FITM1: variants seen among roughly 807,000 people sequenced by gnomAD.
The protein encoded by FITM1 is fat storage-inducing transmembrane protein 1.
In FITM1, 11 loss-of-function variants were observed where a neutral mutation model predicts 22.2. The observed-to-expected ratio is 0.50, with a 90% confidence interval of 0.31 to 0.82. The LOEUF is 0.82. Ranked by LOEUF, FITM1 falls within the 40% of genes least tolerant of loss-of-function variation. FITM1 has a pLI of 0.04. For missense variants in FITM1, 394 were observed against 386.4 expected, an observed-to-expected ratio of 1.02 and a Z score of -0.17; for synonymous variants, 164 against 174.0, an observed-to-expected ratio of 0.94 and a Z score of 0.45.
chr14:24,131,881 G>A (rs776418351), intron 1 of FITM1, 52 bp downstream of exon 1: 5 of 1,521,152 alleles, frequency 3.3e-6, no homozygotes, highest in African/African-American at 2.8e-5. Context: ...TGGGATCCTA[G>A]CTCCCTTCTC....
rs149412179 is a variant in FITM1 at position 24,130,786 on chromosome 14, A to G, written c.-778A>G. Among the ~76,000 whole-genome samples the G allele has an allele frequency of 8.5e-5, 13 of 152,296 alleles. No individual in the cohort carries two copies. The highest frequency in any genetic ancestry group is 2.9e-4 in the African/African-American group (12 of 41,558). ...GGTTTCAATTGACTCCTGTCTGGCAATTGCCCTTTTAGGGTCTCCTCTACC... is the reference window on the plus strand; with the variant it reads ...GGTTTCAATTGACTCCTGTCTGGCAGTTGCCCTTTTAGGGTCTCCTCTACC... On this transcript the variant is annotated 5_prime_UTR_variant, in exon 1 of 2. Transcript: ENST00000267426.
In FITM1 at chr14:24,132,658, T is replaced by A. The variant is rs1180505474; in HGVS notation, c.714T>A (p.Cys238Ter). 1.9e-6 allele frequency: 3 copies of A among 1,613,874 alleles called. No individual in the cohort carries two copies. Among genetic ancestry groups the A allele is most frequent in the African/African-American group, 2.7e-5 (2 of 75,056 alleles). Residue 238 changes from cysteine to a stop codon, truncating the protein, a stop_gained, in exon 2 of 2, where the codon TGT becomes TGA. Transcript: ENST00000267426. LOFTEE classifies it high-confidence loss of function. Reference protein sequence around the residue: ...LLGLWNFLLLCTVIYFHQYTH... With the variant: ...LLGLWNFLLL ...GCCTCTGGAACTTCTTGCTGCTCTG[T>A]ACCGTCATCTATTTCCACCAGTACA...
chr14:24,131,398 T>C lies in FITM1; in HGVS notation c.-166T>C, dbSNP rs1323091986. The C allele has an allele frequency of 4.1e-6, 3 of 734,742 alleles. No individual in the cohort carries two copies. In the African/African-American group the frequency reaches 5.2e-5, roughly 13 times the overall value. The allele number at this position is 734,742 out of a possible 1,614,324, so 45.5% of individuals were successfully genotyped here. On this transcript the variant is annotated 5_prime_UTR_variant, in exon 1 of 2. Transcript: ENST00000267426. ...CTGCTGACGTGGCAGACCTCCACCC[T>C]GGCCCCTTACTGCCCCCCGCCCCTC...
Position 24,132,433 on chromosome 14 carries a change from C to T in FITM1, c.489C>T (p.His163=), listed in dbSNP as rs373331243. Reference sequence around the variant, plus strand: ...CACTGCCCCAGGGTCTGCTGCTCCACGAGCTGCCTGACCGCCGCAGCTGCC... The same window carrying T: ...CACTGCCCCAGGGTCTGCTGCTCCATGAGCTGCCTGACCGCCGCAGCTGCC... ...FEPLPQGLLL[H]ELPDRRSCLA... Residue 163 remains histidine (H), a synonymous_variant, in exon 2 of 2, where the codon CAC becomes CAT. Coordinates refer to ENST00000267426, the MANE Select transcript of FITM1 (RefSeq NM_203402.3). 58 of 1,607,620 alleles carry T rather than the reference C, an allele frequency of 3.6e-5. No homozygotes were observed. The highest frequency in any genetic ancestry group is 1.3e-4 in the South Asian group (12 of 91,080).
In FITM1 at chr14:24,131,460, G is replaced by T. The variant is rs768070474; in HGVS notation, c.-104G>T. The stretch of plus-strand genomic sequence containing the variant: ...CCAGCTGCCAACAGGGCTCTGCCTT[G>T]TGTCTGCCACACCTGTCACTGCCTA... On this transcript the variant is annotated 5_prime_UTR_variant, in exon 1 of 2. Coordinates refer to ENST00000267426, the MANE Select transcript of FITM1 (RefSeq NM_203402.3). 8.6e-7 allele frequency: 1 copy of T among 1,156,528 alleles called. No individual in the cohort carries two copies. The allele number at this position is 1,156,528 out of a possible 1,614,324, so 71.6% of individuals were successfully genotyped here. A position where few individuals can be genotyped will look rare whatever the true frequency, so the allele number is the denominator to read the frequency against.
Position 24,132,799 on chromosome 14 carries a change from C to T in FITM1, c.855C>T (p.Pro285=), listed in dbSNP as rs1230420753. Residue 285 remains proline (P), a synonymous_variant, in exon 2 of 2, where the codon CCC becomes CCT. Transcript: ENST00000267426. ...CAGGCCATGGGCTCTTCCCCCGTCC[C>T]CACTCCAGCCGCAAGCATAACTGAA... The part of the protein sequence containing the change: ...GSPGHGLFPR[P]HSSRKHN 6.2e-7 allele frequency: 1 copy of T among 1,611,212 alleles called. No homozygotes were observed. Among genetic ancestry groups the T allele is most frequent in the East Asian group, 2.2e-5 (1 of 44,872 alleles).
rs2037823628 is a variant in FITM1 at position 24,131,706 on chromosome 14, G to C, written c.143G>C (p.Gly48Ala). Residue 48 changes from glycine to alanine, a missense_variant, in exon 1 of 2, where the codon GGC (glycine) becomes GCC (alanine). Physicochemically the swap from Gly to Ala is moderately conservative, Grantham distance 60 (BLOSUM62 0). Transcript: ENST00000267426. Reference protein sequence around the residue: ...FGSEQAARLLGSPCLRRLYHA... With the variant: ...FGSEQAARLLASPCLRRLYHA... ...AGCGAACAGGCCGCCCGCCTTCTGG[G>C]CAGCCCCTGCTTACGGCGCCTCTAC... 4.3e-6 allele frequency: 7 copies of C among 1,614,178 alleles called. No homozygotes were observed. The highest frequency in any genetic ancestry group is 5.9e-6 in the Non-Finnish European group (7 of 1,180,044).
rs755243564 is a variant in FITM1 at position 24,132,449 on chromosome 14, C to G, written c.505C>G (p.Arg169Gly). The G allele has an allele frequency of 2.9e-5, 46 of 1,606,204 alleles. No homozygotes were observed. The highest frequency in any genetic ancestry group is 2.9e-4 in the South Asian group (26 of 91,082). The change falls in exon 2 of 2, where the codon CGC becomes GGC. Residue 169 changes from arginine (R) to glycine (G), a missense_variant. Arg to Gly is a moderately radical substitution (Grantham distance 125). Coordinates refer to ENST00000267426, the MANE Select transcript of FITM1 (RefSeq NM_203402.3). Reference protein sequence around the residue: ...GLLLHELPDRRSCLAAGHQWR... With the variant: ...GLLLHELPDRGSCLAAGHQWR... ...GCTGCTCCACGAGCTGCCTGACCGCCGCAGCTGCCTGGCAGCCGGCCACCA... is the reference window on the plus strand; with the variant it reads ...GCTGCTCCACGAGCTGCCTGACCGCGGCAGCTGCCTGGCAGCCGGCCACCA...
At position 24,131,733 on chromosome 14, in the gene FITM1, A is replaced by G. The variant is rs2037823948; in HGVS notation, c.170A>G (p.His57Arg). ...LGSPCLRRLY[H>R]AWLAAVVIFG... ...AGCCCCTGCTTACGGCGCCTCTACCATGCCTGGCTGGCAGCAGTGGTCATC... is the reference window on the plus strand; with the variant it reads ...AGCCCCTGCTTACGGCGCCTCTACCGTGCCTGGCTGGCAGCAGTGGTCATC... Residue 57 changes from histidine (H) to arginine (R), a missense_variant, in exon 1 of 2, where the codon CAT becomes CGT. His to Arg is a conservative substitution (Grantham distance 29). Coordinates refer to ENST00000267426, the MANE Select transcript of FITM1 (RefSeq NM_203402.3). 1.2e-6 allele frequency: 2 copies of G among 1,614,148 alleles called. No individual in the cohort carries two copies. Among genetic ancestry groups the G allele is most frequent in the Non-Finnish European group, 1.7e-6 (2 of 1,180,028 alleles).
At position 24,132,710 on chromosome 14, in the gene FITM1, G is replaced by T; in HGVS notation, c.766G>T (p.Gly256Cys). The change falls in exon 2 of 2, where the codon GGC becomes TGC. Residue 256 changes from glycine (G) to cysteine (C), a missense_variant. By Grantham distance (159) the Gly-to-Cys change is radical. Coordinates refer to ENST00000267426, the MANE Select transcript of FITM1 (RefSeq NM_203402.3). ...YTHKVVGAAV[G>C]TFAWYLTYGS... ...TCACAAGGTGGTGGGCGCCGCAGTG[G>T]GCACCTTTGCCTGGTACCTCACCTA... 3 of 1,613,860 alleles carry T rather than the reference G, an allele frequency of 1.9e-6. No homozygotes were observed. The highest frequency in any genetic ancestry group is 2.5e-6 in the Non-Finnish European group (3 of 1,179,998).
At position 24,131,776 on chromosome 14, in the gene FITM1, GTTC is replaced by G; in HGVS notation, c.214_216del (p.Phe72del). 2 of 1,612,770 alleles carry G rather than the reference GTTC, an allele frequency of 1.2e-6. No individual in the cohort carries two copies. Among genetic ancestry groups the G allele is most frequent in the South Asian group, 2.2e-5 (2 of 90,910 alleles). On this transcript the variant is annotated inframe_deletion, in exon 1 of 2. Transcript: ENST00000267426. ...TGGTCATCTTTGGGCCGCTTCTGCA[GTTC>G]CATGTCAACCCTCGGACTATCTTCG...
chr14:24,132,032 G>A, intron 1 of FITM1, 179 bp from the exon 2 acceptor site: 1 of 1,191,768 alleles, frequency 8.4e-7, no homozygotes, highest in South Asian at 1.6e-5. Flanking sequence ...ATGGACCCTG[G>A]AATGCTGAAT....
At position 24,131,699 on chromosome 14, in the gene FITM1, C is replaced by T; in HGVS notation, c.136C>T (p.Leu46Phe). The change falls in exon 1 of 2, where the codon CTT (leucine) becomes TTT (phenylalanine). Residue 46 changes from leucine to phenylalanine, a missense_variant. Transcript: ENST00000267426. ...CTTTGGAAGCGAACAGGCCGCCCGC[C>T]TTCTGGGCAGCCCCTGCTTACGGCG... is the stretch of plus-strand genomic sequence containing the variant. ...LYFGSEQAAR[L>F]LGSPCLRRLY... The T allele has an allele frequency of 6.2e-7, 1 of 1,614,210 alleles. No individual in the cohort carries two copies. Among genetic ancestry groups the T allele is most frequent in the Non-Finnish European group, 8.5e-7 (1 of 1,180,050 alleles).
In FITM1 at chr14:24,131,322, G is replaced by A. The variant is rs1384735917; in HGVS notation, c.-242G>A. 1 of 663,228 alleles carries A rather than the reference G, an allele frequency of 1.5e-6. No individual in the cohort carries two copies. Among genetic ancestry groups the A allele is most frequent in the Non-Finnish European group, 2.7e-6 (1 of 364,390 alleles). The allele number at this position is 663,228 out of a possible 1,614,324, so 41.1% of individuals were successfully genotyped here. On this transcript the variant is annotated 5_prime_UTR_variant, in exon 1 of 2. Coordinates refer to ENST00000267426, the MANE Select transcript of FITM1 (RefSeq NM_203402.3). ...CAAGGACACAGGACTAACAGGAAAGGACACAGACTGCTGTCAGGACACATA... is the reference window on the plus strand; with the variant it reads ...CAAGGACACAGGACTAACAGGAAAGAACACAGACTGCTGTCAGGACACATA...
chr14:24,131,207 G>A lies in FITM1; in HGVS notation c.-357G>A. On this transcript the variant is annotated 5_prime_UTR_variant, in exon 1 of 2. The change abolishes the stop of an existing upstream ORF in the 5' untranslated region. Coordinates refer to ENST00000267426, the MANE Select transcript of FITM1 (RefSeq NM_203402.3). ...TCCCTGTGGAGCAAATGGTAAAGTA[G>A]GGGTGGGTGGAGAGGGACTTTGGCA... The A allele has an allele frequency of 1.8e-6, 1 of 554,394 alleles. No homozygotes were observed. Among genetic ancestry groups the A allele is most frequent in the South Asian group, 2.4e-5 (1 of 41,882 alleles). The allele number at this position is 554,394 out of a possible 1,614,324, so 34.3% of individuals were successfully genotyped here.
At chr14:24,132,091 G>C (rs2037826476) in intron 1 of FITM1, 120 bp from the exon 2 acceptor site, 1 of 1,415,030 alleles carries the variant, frequency 7.1e-7, no homozygotes, top group Non-Finnish European at 9.5e-7. Context: ...GCTGTAAAGG[G>C]CACGGCAAGG....
chr14:24,130,774 T>C lies in FITM1; in HGVS notation c.-790T>C, dbSNP rs1176822526. Reference sequence around the variant, plus strand: ...GATGGAACTTAAGGTTTCAATTGACTCCTGTCTGGCAATTGCCCTTTTAGG... The same window carrying C: ...GATGGAACTTAAGGTTTCAATTGACCCCTGTCTGGCAATTGCCCTTTTAGG... On this transcript the variant is annotated 5_prime_UTR_variant, in exon 1 of 2. Transcript: ENST00000267426. Among the ~76,000 whole-genome samples, 1 of 152,194 alleles carries C rather than the reference T, an allele frequency of 6.6e-6. No homozygotes were observed. The highest frequency in any genetic ancestry group is 1.9e-4 in the East Asian group (1 of 5,202).
In FITM1 at chr14:24,132,844, C is replaced by A; in HGVS notation, c.*21C>A. 2 of 1,592,558 alleles carry A rather than the reference C, an allele frequency of 1.3e-6. No individual in the cohort carries two copies. Among genetic ancestry groups the A allele is most frequent in the Non-Finnish European group, 1.7e-6 (2 of 1,176,764 alleles). ...ACTGAAAGAAATAAAAACCATCGGGCCTGGCTGTGGCTCCTCTCATCATTT... is the reference window on the plus strand; with the variant it reads ...ACTGAAAGAAATAAAAACCATCGGGACTGGCTGTGGCTCCTCTCATCATTT... On this transcript the variant is annotated 3_prime_UTR_variant, in exon 2 of 2. Coordinates refer to ENST00000267426, the MANE Select transcript of FITM1 (RefSeq NM_203402.3).
rs371019561 is a variant in FITM1, at chr14:24,131,602, C to T, written c.39C>T (p.Ala13=). ...CGGTGGTGGGGGCAGGACTGGGGGC[C>T]GGGGCCCGAATCCAGGCACTGCTGG... The part of the protein sequence containing the change: ...RGPVVGAGLG[A]GARIQALLGC... The change falls in exon 1 of 2, where the codon GCC becomes GCT. Residue 13 remains alanine (A), a synonymous_variant. Coordinates refer to ENST00000267426, the MANE Select transcript of FITM1 (RefSeq NM_203402.3). 9.0e-5 allele frequency: 145 copies of T among 1,605,728 alleles called. No homozygotes were observed. The African/African-American group carries it at 1.6e-3, about 17-fold the overall frequency.
Sources: allele counts gnomAD v4.1 joint callset (sites outside exome capture counted in the v4.1 genomes callset), GRCh38; gene constraint gnomAD v4.1.1; transcripts MANE v1.5; gene names NCBI Gene and HGNC (gene_info 2026-07-23, HGNC 2026-07-21).